Variants in YAP1 observed in about 807,000 individuals in gnomAD.
YAP1 encodes the protein Yes1 associated transcriptional regulator.
A neutral mutation model predicts 56.9 loss-of-function variants in YAP1; 5 were observed. The ratio of observed to expected loss-of-function variants is 0.09; its 90% CI spans 0.05 to 0.18. YAP1 has a LOEUF of 0.18. Among genes scored for constraint, YAP1 ranks in the 10% least tolerant of loss-of-function variants. The probability of loss-of-function intolerance (pLI) is 1.00; values close to 1 mark genes in which losing one functional copy is unlikely to be tolerated. For missense variants in YAP1, 539 were observed against 651.8 expected (o/e 0.83, Z 1.88); for synonymous variants, 265 against 248.1 (o/e 1.07, Z -0.64).
At chr11:102,193,873 C>T (rs1347844039) in intron 4 of YAP1, among the ~76,000 whole-genome samples, 1 of 149,406 alleles carries the variant, frequency 6.7e-6, no homozygotes, top group African/African-American at 2.5e-5. Context: ...GAGTCTCGCT[C>T]TGTCGCCCAG....
At chr11:102,206,118 T>G (rs763837079) in intron 5 of YAP1, 44 bp downstream of exon 5, 3 of 1,576,974 alleles carry the variant, frequency 1.9e-6, no homozygotes, top group East Asian at 2.3e-5. Context: ...TTTGGGGGTT[T>G]GTTTTCTTAA....
chr11:102,121,313 G>A (rs1943636403), intron 2 of YAP1, among the ~76,000 whole-genome samples: 1 of 152,040 alleles, frequency 6.6e-6, no homozygotes, highest in African/African-American at 2.4e-5. Context: ...GGTGGCACCT[G>A]CCTGTAGTCC....
intron 2 of YAP1, among the ~76,000 whole-genome samples, chr11:102,118,299 G>C (rs1310429962): frequency 6.6e-6 from 1 of 152,106 alleles, no homozygotes; most frequent in East Asian, 1.9e-4. Flanking sequence ...TTGTGGCTGT[G>C]ATTTGATTAA....
chr11:102,203,706 A>C (rs1304948968), intron 4 of YAP1, among the ~76,000 whole-genome samples: 1 of 152,228 alleles, frequency 6.6e-6, no homozygotes, highest in Non-Finnish European at 1.5e-5. Flanking sequence ...GTTTGGAAAC[A>C]TAAAAATATA....
chr11:102,227,699 A>T, intron 8 of YAP1, 118 bp downstream of exon 8: 1 of 693,598 alleles, frequency 1.4e-6, no homozygotes. Context: ...AAATCCTGTA[A>T]ATTTGAATTA....
chr11:102,111,510 G>C (rs767283231), intron 1 of YAP1, among the ~76,000 whole-genome samples: 1 of 75,124 alleles, frequency 1.3e-5, no homozygotes, highest in African/African-American at 5.3e-5. Flanking sequence ...GAGGAAGGAA[G>C]GGGGTGGGGA....
chr11:102,140,444 T>G (rs1723047687), intron 2 of YAP1, among the ~76,000 whole-genome samples: 1 of 152,134 alleles, frequency 6.6e-6, no homozygotes, highest in South Asian at 2.1e-4. Context: ...CTTAATCTGT[T>G]TCAGTACCCC....
intron 2 of YAP1, among the ~76,000 whole-genome samples, chr11:102,118,867 C>T (rs1178146381): frequency 6.6e-6 from 1 of 151,624 alleles, no homozygotes; most frequent in African/African-American, 2.4e-5. Flanking sequence ...AAAGATTATG[C>T]CTCTTTAAAA....
intron 3 of YAP1, among the ~76,000 whole-genome samples, chr11:102,170,966 CAAA>C (rs5794159): frequency 1.0e-4 from 13 of 129,228 alleles, no homozygotes; most frequent in Non-Finnish European, 1.3e-4. Context: ...GACTCTGTCT[CAAA>C]AAAAAAAAAA....
At chr11:102,164,642 T>A (rs1377431165) in intron 3 of YAP1, among the ~76,000 whole-genome samples, 1 of 152,230 alleles carries the variant, frequency 6.6e-6, no homozygotes, top group African/African-American at 2.4e-5. Context: ...CTGATGGTGA[T>A]GGTCTAGAGA....
At chr11:102,167,689 G>A (rs1351451015) in intron 3 of YAP1, among the ~76,000 whole-genome samples, 1 of 152,138 alleles carries the variant, frequency 6.6e-6, no homozygotes, top group Non-Finnish European at 1.5e-5. Flanking sequence ...AGCTGAGATT[G>A]TGCCACTGCA....
chr11:102,120,339 AT>A (rs1943572878), intron 2 of YAP1, among the ~76,000 whole-genome samples: 1 of 152,190 alleles, frequency 6.6e-6, no homozygotes, highest in African/African-American at 2.4e-5. Context: ...TTTAATCCTC[AT>A]TTTGCTCCTA....
At chr11:102,190,282 C>G (rs1223976855) in intron 4 of YAP1, among the ~76,000 whole-genome samples, 1 of 152,006 alleles carries the variant, frequency 6.6e-6, no homozygotes, top group African/African-American at 2.4e-5. Context: ...AATTACTTAG[C>G]GTACAGAGGA....
chr11:102,223,517 T>G (rs2135702815), intron 6 of YAP1, 105 bp from the exon 7 acceptor site: 1 of 1,254,494 alleles, frequency 8.0e-7, no homozygotes, highest in Non-Finnish European at 1.1e-6. Flanking sequence ...GTAGATGTTT[T>G]TAATCTATCT....
chr11:102,207,661 G>T (rs934640128), intron 5 of YAP1, among the ~76,000 whole-genome samples: 2 of 152,074 alleles, frequency 1.3e-5, no homozygotes, highest in Non-Finnish European at 2.9e-5. Flanking sequence ...TGTGAACTCA[G>T]TACTACCTGA....
chr11:102,185,887 A>G, intron 3 of YAP1, 131 bp from the exon 4 acceptor site: 1 of 898,166 alleles, frequency 1.1e-6, no homozygotes, highest in Non-Finnish European at 1.6e-6. Context: ...CTCTGAACAC[A>G]GCCTTAAATA....
intron 2 of YAP1, among the ~76,000 whole-genome samples, chr11:102,139,510 A>G (rs1337963264): frequency 2.0e-5 from 3 of 152,184 alleles, no homozygotes; most frequent in East Asian, 3.9e-4. Flanking sequence ...GTAAAGAGCA[A>G]GGGTTTCAGG....
chr11:102,110,831 T>C lies in YAP1; in HGVS notation c.-18T>C. The C allele has an allele frequency of 2.2e-6, 3 of 1,385,250 alleles. No individual in the cohort carries two copies. The highest frequency in any genetic ancestry group is 1.5e-5 in the African/African-American group (1 of 66,200). The allele number at this position is 1,385,250 out of a possible 1,614,324, so 85.8% of individuals were successfully genotyped here. On this transcript the variant is annotated 5_prime_UTR_variant, in exon 1 of 9. Coordinates refer to ENST00000282441, the MANE Select transcript of YAP1 (RefSeq NM_001130145.3). ...GCTCGCCTGGGTCAGGGGGTGCGCG[T>C]CGGGGGAGGCAGAAGCCATGGATCC...
chr11:102,196,674 G>A (rs756837613), intron 4 of YAP1, among the ~76,000 whole-genome samples: 9 of 147,868 alleles, frequency 6.1e-5, no homozygotes, highest in Middle Eastern at 3.4e-3. Context: ...AAATTAGATC[G>A]TGGCAATGGG....
Sources: allele counts gnomAD v4.1 joint callset (sites outside exome capture counted in the v4.1 genomes callset), GRCh38; gene constraint gnomAD v4.1.1; transcripts MANE v1.5; gene names NCBI Gene and HGNC (gene_info 2026-07-23, HGNC 2026-07-21).